Variants in CELSR1 observed in about 807,000 individuals in gnomAD.
The protein encoded by CELSR1 is adhesion G protein-coupled receptor C1.
CELSR1 carries 110 observed loss-of-function variants against 249.1 expected under a neutral mutation model. That is an observed-to-expected ratio of 0.44 (90% CI 0.38 to 0.52). CELSR1 has a LOEUF of 0.52. Ranked by LOEUF, CELSR1 falls within the 20% of genes least tolerant of loss-of-function variation. CELSR1 has a pLI of 0.00. For missense variants in CELSR1, 4,109 were observed against 4,296.4 expected (o/e 0.96, Z 1.22); for synonymous variants, 2,113 against 1,900.0 (o/e 1.11, Z -2.92).
chr22:46,434,073 G>A lies in CELSR1; in HGVS notation c.4523-592C>T, dbSNP rs974841826. 2.0e-5 allele frequency among the ~76,000 whole-genome samples: 3 copies of A among 152,214 alleles called. No homozygotes were observed. Among genetic ancestry groups the A allele is most frequent in the African/African-American group, 7.2e-5 (3 of 41,452 alleles). ...TCACACCTACACCGCACCAGAGGTCGAACCCTTTTTCCTATGCATTGCATC... is the reference window on the plus strand; with the variant it reads ...TCACACCTACACCGCACCAGAGGTCAAACCCTTTTTCCTATGCATTGCATC... On this transcript the variant is annotated intron_variant, in intron 4 of 34. Coordinates refer to ENST00000674500, the MANE Select transcript of CELSR1 (RefSeq NM_001378328.1). The surrounding 1 kb of genome is among the most constrained non-coding windows in gnomAD (Gnocchi z 4.9).
chr22:46,389,273 GGC>G lies in CELSR1; in HGVS notation c.6555+15_6555+16del. On this transcript the variant is annotated intron_variant, in intron 18 of 34. Coordinates refer to ENST00000674500, the MANE Select transcript of CELSR1 (RefSeq NM_001378328.1). ...TCCCCGAGTGTCCCCGAGCCAGGGT[GGC>G]GGCCACCCGCCTACCTCGTGAAAGT... 1 of 1,600,980 alleles carries G rather than the reference GGC, an allele frequency of 6.2e-7. No homozygotes were observed.
At chr22:46,519,055 AAGAC>A (rs1473670001) in intron 1 of CELSR1, among the ~76,000 whole-genome samples, 1 of 151,862 alleles carries the variant, frequency 6.6e-6, no homozygotes, top group African/African-American at 2.4e-5. Context: ...CACCAACATA[AAGAC>A]AAGAAAATAC....
At chr22:46,469,490 C>T (rs1156885045) in intron 1 of CELSR1, among the ~76,000 whole-genome samples, 1 of 152,122 alleles carries the variant, frequency 6.6e-6, no homozygotes, top group Non-Finnish European at 1.5e-5. Flanking sequence ...AGTGGCAGGG[C>T]TCTCTGTGTT....
rs1417412247 is a variant in CELSR1, at chr22:46,534,881, C to A, written c.2290G>T (p.Ala764Ser). 6.2e-7 allele frequency: 1 copy of A among 1,612,614 alleles called. No homozygotes were observed. Among genetic ancestry groups the A allele is most frequent in the East Asian group, 2.2e-5 (1 of 44,874 alleles). Reference protein sequence around the residue: ...QEQQYVLAVTASDGTRSHTAH... With the variant: ...QEQQYVLAVTSSDGTRSHTAH... ...GTGTGCGACCGTGTGCCGTCGGATG[C>A]TGTCACCGCCAGCACGTACTGCTGC... Residue 764 changes from alanine (A) to serine (S), a missense_variant, in exon 1 of 35, where the codon GCA (alanine) becomes TCA (serine). By Grantham distance (99) the Ala-to-Ser change is moderately conservative. Around this residue, in one of 7 missense-constraint regions of CELSR1, gnomAD observed 886 missense variants for 896.5 expected, o/e 0.99. Transcript: ENST00000674500. This position sits in a 1 kb window ranked among gnomAD's most constrained non-coding sequence, Gnocchi z 9.7.
intron 9 of CELSR1, among the ~76,000 whole-genome samples, chr22:46,405,347 C>T (rs1408610628): frequency 6.6e-6 from 1 of 151,030 alleles, no homozygotes; most frequent in Non-Finnish European, 1.5e-5. Flanking sequence ...GTAGCCCCAA[C>T]TACTCGGGAG....
intron 30 of CELSR1, 147 bp downstream of exon 30, chr22:46,366,239 G>A (rs56214671): frequency 0.02 from 30 of 1,476 alleles, 2 homozygotes; most frequent in Middle Eastern, 0.12. Context: ...GGCAGGGAGG[G>A]AAGTTGCGGG....
chr22:46,363,035 C>A lies in CELSR1; in HGVS notation c.*188G>T, dbSNP rs200273382. ...CCCTGAGCTCCTGGGAGAACCAAGA[C>A]CTTTGTGTCTGGATGATCAGTCGGG... On this transcript the variant is annotated 3_prime_UTR_variant, in exon 35 of 35. Coordinates refer to ENST00000674500, the MANE Select transcript of CELSR1 (RefSeq NM_001378328.1). This position sits in a 1 kb window ranked among gnomAD's most constrained non-coding sequence, Gnocchi z 4.3. 5.6e-6 allele frequency: 7 copies of A among 1,256,810 alleles called. No homozygotes were observed. In the East Asian group the frequency reaches 1.6e-4, roughly 29 times the overall value. The allele number at this position is 1,256,810 out of a possible 1,614,324, so 77.9% of individuals were successfully genotyped here. A position where few individuals can be genotyped will look rare whatever the true frequency, so the allele number is the denominator to read the frequency against.
chr22:46,446,619 G>A lies in CELSR1; in HGVS notation c.4184-7208C>T, dbSNP rs983851608. 6.6e-6 allele frequency among the ~76,000 whole-genome samples: 1 copy of A among 152,052 alleles called. No individual in the cohort carries two copies. The highest frequency in any genetic ancestry group is 2.4e-5 in the African/African-American group (1 of 41,394). On this transcript the variant is annotated intron_variant, in intron 2 of 34. Coordinates refer to ENST00000674500, the MANE Select transcript of CELSR1 (RefSeq NM_001378328.1). This position sits in a 1 kb window ranked among gnomAD's most constrained non-coding sequence, Gnocchi z 5.5. Reference sequence around the variant, plus strand: ...GAGGGTCGCAGGGGGTCGGTGGGGGGGAAAGCTGGGTCCATAGCAGGTACT... The same window carrying A: ...GAGGGTCGCAGGGGGTCGGTGGGGGAGAAAGCTGGGTCCATAGCAGGTACT...
Position 46,391,647 on chromosome 22 carries a change from G to C in CELSR1, c.6134C>G (p.Thr2045Arg). The C allele has an allele frequency of 6.2e-7, 1 of 1,603,546 alleles. No individual in the cohort carries two copies. Among genetic ancestry groups the C allele is most frequent in the Non-Finnish European group, 8.5e-7 (1 of 1,177,406 alleles). ...RCDNPFAEVT[T>R]LGCEVIYNGC... ...GCAACGCGGACCTTCACAGCCGAGC[G>C]TGGTGACCTCGGCAAACGGGTTGTC... The change falls in exon 15 of 35, where the codon ACG becomes AGG. Residue 2045 changes from threonine (T) to arginine (R), a missense_variant. Thr to Arg is a moderately conservative substitution (Grantham distance 71, BLOSUM62 -1). This residue lies in a region of CELSR1 where 1,805 missense variants were observed against 1,831.6 expected (regional missense o/e 0.99). Coordinates refer to ENST00000674500, the MANE Select transcript of CELSR1 (RefSeq NM_001378328.1). The surrounding 1 kb of genome is among the most constrained non-coding windows in gnomAD (Gnocchi z 4.3).
At position 46,363,350 on chromosome 22, in the gene CELSR1, G is replaced by A; in HGVS notation, c.9036-103C>T. Reference sequence around the variant, plus strand: ...CGGGGGGGCAGGATCACCCCATCAGGGTAGAGGGGGCGTCTGGGGGCTCCA... The same window carrying A: ...CGGGGGGGCAGGATCACCCCATCAGAGTAGAGGGGGCGTCTGGGGGCTCCA... On this transcript the variant is annotated intron_variant, in intron 34 of 34. Coordinates refer to ENST00000674500, the MANE Select transcript of CELSR1 (RefSeq NM_001378328.1). This position sits in a 1 kb window ranked among gnomAD's most constrained non-coding sequence, Gnocchi z 4.3. 1 of 973,784 alleles carries A rather than the reference G, an allele frequency of 1.0e-6. No individual in the cohort carries two copies. Among genetic ancestry groups the A allele is most frequent in the Non-Finnish European group, 1.5e-6 (1 of 647,008 alleles). The allele number at this position is 973,784 out of a possible 1,614,324, so 60.3% of individuals were successfully genotyped here.
At chr22:46,443,503 T>C (rs73890431) in intron 2 of CELSR1, among the ~76,000 whole-genome samples, 14,606 of 152,294 alleles carry the variant, frequency 0.096, 700 homozygotes, top group Admixed American at 0.11. Context: ...CTCCCCGCTA[T>C]GGGGGTCAGC....
In CELSR1 at chr22:46,512,103, C is replaced by T. The variant is rs1454278305; in HGVS notation, c.3544+21524G>A. Among the ~76,000 whole-genome samples, 10 of 152,188 alleles carry T rather than the reference C, an allele frequency of 6.6e-5. No homozygotes were observed. Among genetic ancestry groups the T allele is most frequent in the South Asian group, 2.1e-4 (1 of 4,832 alleles). On this transcript the variant is annotated intron_variant, in intron 1 of 34. Coordinates refer to ENST00000674500, the MANE Select transcript of CELSR1 (RefSeq NM_001378328.1). This position sits in a 1 kb window ranked among gnomAD's most constrained non-coding sequence, Gnocchi z 5.2. The stretch of plus-strand genomic sequence containing the variant: ...CCAGATCCCAGCCCAGTGGCCCCCA[C>T]GCTGCCAGGAGCTCTCAGTGTGGCA...
Position 46,363,338 on chromosome 22 carries a change from T to A in CELSR1, c.9036-91A>T. 9.5e-7 allele frequency: 1 copy of A among 1,052,268 alleles called. No individual in the cohort carries two copies. The highest frequency in any genetic ancestry group is 2.8e-5 in the East Asian group (1 of 36,280). 65.2% of individuals were successfully genotyped at this position (1,052,268 alleles called of 1,614,324 possible). A position where few individuals can be genotyped will look rare whatever the true frequency, so the allele number is the denominator to read the frequency against. ...AAGGTTGTCACACGGGGGGGCAGGA[T>A]CACCCCATCAGGGTAGAGGGGGCGT... On this transcript the variant is annotated intron_variant, in intron 34 of 34. Transcript: ENST00000674500. The surrounding 1 kb of genome is among the most constrained non-coding windows in gnomAD (Gnocchi z 4.3).
intron 25 of CELSR1, among the ~76,000 whole-genome samples, chr22:46,372,232 G>C: frequency 3.0e-5 from 3 of 100,874 alleles, no homozygotes; most frequent in African/African-American, 1.2e-4. Context: ...ACCCATCCAT[G>C]CATCCACTCA....
intron 1 of CELSR1, among the ~76,000 whole-genome samples, chr22:46,474,552 CTTGT>C (rs2080188070): frequency 6.6e-6 from 1 of 152,134 alleles, no homozygotes; most frequent in African/African-American, 2.4e-5. Context: ...ATATCCATTA[CTTGT>C]AAATTTATCA....
chr22:46,511,323 G>C (rs959320501), intron 1 of CELSR1, among the ~76,000 whole-genome samples: 2 of 152,028 alleles, frequency 1.3e-5, no homozygotes, highest in Admixed American at 6.6e-5. Flanking sequence ...GGTGCCCCCG[G>C]CTCTTCCAGT....
At position 46,407,699 on chromosome 22, in the gene CELSR1, C is replaced by A. The variant is rs1239502916; in HGVS notation, c.5226+1297G>T. On this transcript the variant is annotated intron_variant, in intron 9 of 34. Transcript: ENST00000674500. This position sits in a 1 kb window ranked among gnomAD's most constrained non-coding sequence, Gnocchi z 4.8. ...AGGAAGGAATAACTCAGTTATGAAT[C>A]TGTCAAATCAAGACAGAGCGCCCTG... Among the ~76,000 whole-genome samples the A allele has an allele frequency of 6.6e-6, 1 of 152,192 alleles. No individual in the cohort carries two copies. Among genetic ancestry groups the A allele is most frequent in the African/African-American group, 2.4e-5 (1 of 41,440 alleles).
chr22:46,372,871 G>A lies in CELSR1; in HGVS notation c.7759+12C>T. 6.3e-7 allele frequency: 1 copy of A among 1,596,306 alleles called. No homozygotes were observed. The highest frequency in any genetic ancestry group is 8.6e-7 in the Non-Finnish European group (1 of 1,169,308). Reference sequence around the variant, plus strand: ...CTGTGGTTTTATGCAGGGCCACTCTGTGCATCCTCACCTGTGACAATGGCC... The same window carrying A: ...CTGTGGTTTTATGCAGGGCCACTCTATGCATCCTCACCTGTGACAATGGCC... On this transcript the variant is annotated intron_variant, in intron 25 of 34. Transcript: ENST00000674500.
intron 1 of CELSR1, among the ~76,000 whole-genome samples, chr22:46,521,250 TC>T (rs928278798): frequency 2.4e-4 from 37 of 152,312 alleles, no homozygotes; most frequent in African/African-American, 8.7e-4. Context: ...ACGCCTGTAA[TC>T]TCAGCACTTT....
Sources: gnomAD v4.1 joint callset for allele counts (sites outside exome capture counted in the v4.1 genomes callset) on GRCh38, gnomAD v4.1.1 for gene constraint, gnomAD v4.1.1 regional missense constraint, Gnocchi (gnomAD v3.1) non-coding constraint, MANE v1.5 for transcripts, NCBI Gene and HGNC (gene_info 2026-07-23, HGNC 2026-07-21) for gene names.